The following ZNF423 variants were observed in gnomAD, a reference collection of about 807,000 sequenced individuals.
ZNF423 encodes the protein Ebf-associated zinc finger protein.
ZNF423 carries 12 observed loss-of-function variants against 95.8 expected under a neutral mutation model. That is an observed-to-expected ratio of 0.13 (90% confidence interval 0.08 to 0.20). ZNF423 has a LOEUF of 0.20. Ranked by LOEUF, ZNF423 falls within the 10% of genes least tolerant of loss-of-function variation. The pLI, the probability that ZNF423 is intolerant of heterozygous loss-of-function variation, is 1.00. For missense variants in ZNF423, 1,316 were observed against 1,737.1 expected (o/e 0.76, Z 4.31); for synonymous variants, 749 against 711.9 (o/e 1.05, Z -0.83).
intron 5 of ZNF423, among the ~76,000 whole-genome samples, chr16:49,574,455 C>T (rs947683257): frequency 1.5e-4 from 23 of 152,240 alleles, no homozygotes; most frequent in African/African-American, 5.5e-4. Context: ...TGGGAATTTG[C>T]ATTTCTAGCA....
chr16:49,562,847 C>A (rs1048993254), intron 5 of ZNF423, among the ~76,000 whole-genome samples: 1 of 151,978 alleles, frequency 6.6e-6, no homozygotes, highest in Non-Finnish European at 1.5e-5. Context: ...GGCACAACCT[C>A]GGCTCACTGC....
At chr16:49,742,024 A>C (rs1278049560) in intron 2 of ZNF423, among the ~76,000 whole-genome samples, 1 of 152,232 alleles carries the variant, frequency 6.6e-6, no homozygotes. Context: ...CCACATCTTC[A>C]ATCAGTCAAC....
At chr16:49,536,461 T>G (rs1358128952) in intron 5 of ZNF423, among the ~76,000 whole-genome samples, 2 of 149,938 alleles carry the variant, frequency 1.3e-5, no homozygotes, top group Non-Finnish European at 3.0e-5. Context: ...GTTTTTTTTC[T>G]GGGACAGGGT....
chr16:49,700,471 C>G (rs759947342), intron 3 of ZNF423, among the ~76,000 whole-genome samples: 1 of 152,156 alleles, frequency 6.6e-6, no homozygotes, highest in Non-Finnish European at 1.5e-5. Context: ...CACAGGGCTT[C>G]CTGACTGGGG....
intron 6 of ZNF423, among the ~76,000 whole-genome samples, chr16:49,525,017 C>T (rs1038408839): frequency 1.3e-5 from 2 of 152,146 alleles, no homozygotes; most frequent in South Asian, 2.1e-4. Flanking sequence ...GCTCAAGGCT[C>T]GGGGAGACAA....
chr16:49,666,789 T>C (rs2030568104), intron 3 of ZNF423, among the ~76,000 whole-genome samples: 1 of 151,936 alleles, frequency 6.6e-6, no homozygotes, highest in Non-Finnish European at 1.5e-5. Flanking sequence ...TTCCCTGGAG[T>C]AGTTTCTCTA....
intron 1 of ZNF423, among the ~76,000 whole-genome samples, chr16:49,818,870 G>A (rs1382797075): frequency 6.6e-6 from 1 of 152,056 alleles, no homozygotes; most frequent in African/African-American, 2.4e-5. Flanking sequence ...TTGGGCAACA[G>A]GGCAAGACCC....
At chr16:49,802,127 A>C (rs2034592157) in intron 1 of ZNF423, among the ~76,000 whole-genome samples, 1 of 152,080 alleles carries the variant, frequency 6.6e-6, no homozygotes, top group African/African-American at 2.4e-5. Flanking sequence ...GGATTACAGG[A>C]GTGAGCCACC....
intron 3 of ZNF423, among the ~76,000 whole-genome samples, chr16:49,682,197 C>G (rs866611513): frequency 2.6e-4 from 40 of 152,126 alleles, no homozygotes; most frequent in Middle Eastern, 6.8e-3. Context: ...TCTGCCTGCT[C>G]CTGTCTTCAG....
At chr16:49,853,648 A>G (rs2035326016) in intron 1 of ZNF423, 1 of 985,346 alleles carries the variant, frequency 1.0e-6, no homozygotes, top group Non-Finnish European at 1.2e-6. Context: ...CTACACATAC[A>G]CACATACACA....
At chr16:49,833,765 T>C (rs2035086562) in intron 1 of ZNF423, among the ~76,000 whole-genome samples, 1 of 151,356 alleles carries the variant, frequency 6.6e-6, no homozygotes, top group South Asian at 2.1e-4. Flanking sequence ...CTGTATATGT[T>C]ATACTTGTTT....
chr16:49,690,532 A>G (rs771912652), intron 3 of ZNF423, among the ~76,000 whole-genome samples: 5 of 152,210 alleles, frequency 3.3e-5, no homozygotes, highest in Non-Finnish European at 7.3e-5. Context: ...TAAACAAAAA[A>G]CAATAATAAT....
At position 49,501,655 on chromosome 16, in the gene ZNF423, G is replaced by A. The variant is rs1361697176; in HGVS notation, c.3850-10351C>T. On this transcript the variant is annotated intron_variant, in intron 7 of 7. Transcript: ENST00000563137. Reference sequence around the variant, plus strand: ...GCCCACCAAGAGTGGGTTGGATAATGAAAATGTGGTACATATATATATCAT... The same window carrying A: ...GCCCACCAAGAGTGGGTTGGATAATAAAAATGTGGTACATATATATATCAT... Among the ~76,000 whole-genome samples the A allele has an allele frequency of 2.0e-5, 3 of 152,014 alleles. No individual in the cohort carries two copies. In the East Asian group the frequency reaches 5.8e-4, roughly 29 times the overall value.
At chr16:49,571,888 C>T (rs1223175402) in intron 5 of ZNF423, among the ~76,000 whole-genome samples, 4 of 152,182 alleles carry the variant, frequency 2.6e-5, no homozygotes, top group Admixed American at 2.6e-4. Flanking sequence ...ATTATTCTTG[C>T]TTTCTTTGCT....
chr16:49,687,021 G>C (rs2031590525), intron 3 of ZNF423, among the ~76,000 whole-genome samples: 1 of 152,012 alleles, frequency 6.6e-6, no homozygotes, highest in Non-Finnish European at 1.5e-5. Flanking sequence ...AGGGTGTACA[G>C]AAGAACCAGA....
chr16:49,622,139 G>GGAAA (rs1469862707), intron 5 of ZNF423, among the ~76,000 whole-genome samples: 3 of 152,178 alleles, frequency 2.0e-5, no homozygotes, highest in African/African-American at 7.2e-5. Flanking sequence ...CCTACATACA[G>GGAAA]GAAACTGCTG....
chr16:49,834,569 G>A (rs1036963946), intron 1 of ZNF423, among the ~76,000 whole-genome samples: 10 of 152,214 alleles, frequency 6.6e-5, no homozygotes, highest in East Asian at 1.9e-4. Flanking sequence ...CCAAGGAGGC[G>A]GTGGTAGGAG....
At chr16:49,574,496 A>C (rs1970438346) in intron 5 of ZNF423, among the ~76,000 whole-genome samples, 1 of 152,208 alleles carries the variant, frequency 6.6e-6, no homozygotes, top group Admixed American at 6.5e-5. Flanking sequence ...GCTGATGCTG[A>C]TGCTGCTGGT....
In ZNF423 at chr16:49,490,763, G is replaced by A. The variant is rs530922237; in HGVS notation, c.*512C>T. 1 of 157,952 alleles carries A rather than the reference G, an allele frequency of 6.3e-6. No homozygotes were observed. The highest frequency in any genetic ancestry group is 2.4e-5 in the African/African-American group (1 of 41,120). 9.8% of individuals were successfully genotyped at this position (157,952 alleles called of 1,614,324 possible). ...ACTGGCAAATCCAATCAAAGCATTA[G>A]TCTTTAATTAAAAAATTAAAAGGAA... On this transcript the variant is annotated 3_prime_UTR_variant, in exon 8 of 8. Coordinates refer to ENST00000563137, the MANE Select transcript of ZNF423 (RefSeq NM_001379286.1).
Sources: allele counts gnomAD v4.1 joint callset (sites outside exome capture counted in the v4.1 genomes callset), GRCh38; gene constraint gnomAD v4.1.1; transcripts MANE v1.5; gene names NCBI Gene and HGNC (gene_info 2026-07-23, HGNC 2026-07-21).